NBEA: variants seen among roughly 807,000 people sequenced by gnomAD.
NBEA encodes the protein lysosomal-trafficking regulator 2.
Under a neutral mutation model 343.4 loss-of-function variants are expected in NBEA, and 44 were observed. The observed-to-expected ratio is 0.13, with a 90% confidence interval of 0.10 to 0.16. The LOEUF is 0.16. NBEA is among the 10% of genes least tolerant of loss of function. NBEA has a pLI of 1.00. For missense variants in NBEA, 2,555 were observed against 3,631.3 expected (o/e 0.70, Z 7.62); for synonymous variants, 1,175 against 1,238.7 (o/e 0.95, Z 1.08).
intron 41 of NBEA, among the ~76,000 whole-genome samples, chr13:35,542,809 TAAGTA>T (rs2078894674): frequency 6.6e-6 from 1 of 152,084 alleles, no homozygotes. Flanking sequence ...TAGAATAAAA[TAAGTA>T]GAGTAGTGAT....
intron 1 of NBEA, among the ~76,000 whole-genome samples, chr13:34,975,731 G>GA (rs200056183): frequency 1.6e-4 from 23 of 147,634 alleles, no homozygotes; most frequent in Middle Eastern, 3.5e-3. Context: ...AAATCAGCAA[G>GA]AAAAAAAAAA....
intron 18 of NBEA, among the ~76,000 whole-genome samples, chr13:35,154,523 A>G (rs1349365926): frequency 6.6e-6 from 1 of 152,238 alleles, no homozygotes; most frequent in African/African-American, 2.4e-5. Context: ...ACTCAAGCCT[A>G]AAATACAGTG....
intron 44 of NBEA, among the ~76,000 whole-genome samples, chr13:35,565,212 C>G (rs2080076512): frequency 6.6e-6 from 1 of 152,092 alleles, no homozygotes; most frequent in African/African-American, 2.4e-5. Flanking sequence ...TATTACATAC[C>G]CACACCAGTT....
At chr13:35,364,725 G>A (rs759342388) in intron 38 of NBEA, among the ~76,000 whole-genome samples, 7 of 151,818 alleles carry the variant, frequency 4.6e-5, no homozygotes, top group African/African-American at 7.2e-5. Flanking sequence ...AAGGAAGATT[G>A]TCAGCATCTT....
intron 35 of NBEA, among the ~76,000 whole-genome samples, chr13:35,303,354 T>C (rs537266258): frequency 2.6e-5 from 4 of 152,300 alleles, no homozygotes; most frequent in Admixed American, 2.6e-4. Flanking sequence ...TTAATCACTA[T>C]TGACCCAGTA....
chr13:35,100,031 A>T (rs934141441), intron 11 of NBEA, among the ~76,000 whole-genome samples: 3 of 152,156 alleles, frequency 2.0e-5, no homozygotes, highest in African/African-American at 7.2e-5. Context: ...ATCTCAACTA[A>T]GGGATAAACA....
intron 34 of NBEA, among the ~76,000 whole-genome samples, chr13:35,272,042 G>C (rs114976846): frequency 0.036 from 5,502 of 152,172 alleles, 218 homozygotes; most frequent in East Asian, 0.17. Context: ...GCCACCCCAA[G>C]ACACATAATT....
chr13:35,665,217 C>A, intron 56 of NBEA, 31 bp downstream of exon 56: 1 of 1,495,692 alleles, frequency 6.7e-7, no homozygotes. Context: ...TTTTCAATGT[C>A]TAGAAGATGA....
rs192549526 is a variant in NBEA at position 35,309,751 on chromosome 13, A to C, written c.5903+159A>C. Among the ~76,000 whole-genome samples, 229 of 152,310 alleles carry C rather than the reference A, an allele frequency of 1.5e-3. 1 individual carries two copies. The highest frequency in any genetic ancestry group is 5.4e-3 in the African/African-American group (224 of 41,584). Reference sequence around the variant, plus strand: ...TTAATTAATCTTTAACAAAGTTTAAAATGCTAAACATTTATTTTTGAAGAA... The same window carrying C: ...TTAATTAATCTTTAACAAAGTTTAACATGCTAAACATTTATTTTTGAAGAA... On this transcript the variant is annotated intron_variant, in intron 36 of 58. Transcript: ENST00000379939.
chr13:35,094,800 G>A (rs2065251313), intron 10 of NBEA, among the ~76,000 whole-genome samples: 1 of 151,870 alleles, frequency 6.6e-6, no homozygotes, highest in Non-Finnish European at 1.5e-5. Context: ...TTAGGCTTAA[G>A]AGATGAAACC....
Position 35,606,418 on chromosome 13 carries a change from C to A in NBEA, c.7297-8C>A, listed in dbSNP as rs367827624. 1.3e-5 allele frequency: 19 copies of A among 1,416,860 alleles called. No homozygotes were observed. Among genetic ancestry groups the A allele is most frequent in the South Asian group, 1.7e-5 (1 of 57,476 alleles). The allele number at this position is 1,416,860 out of a possible 1,614,324, so 87.8% of individuals were successfully genotyped here. A position where few individuals can be genotyped will look rare whatever the true frequency, so the allele number is the denominator to read the frequency against. On this transcript the variant is annotated splice_region_variant and splice_polypyrimidine_tract_variant and intron_variant, in intron 47 of 58. Transcript: ENST00000379939. The stretch of plus-strand genomic sequence containing the variant: ...TGGTTTAATATGCTTCATTTTTATT[C>A]CTGATAGGAACTAATTCCAGAGTTC...
At chr13:34,944,645 TAAG>T (rs2059134052) in intron 1 of NBEA, among the ~76,000 whole-genome samples, 1 of 152,116 alleles carries the variant, frequency 6.6e-6, no homozygotes, top group Admixed American at 6.5e-5. Context: ...TAGCTGCAAA[TAAG>T]AGGTCAGTAC....
chr13:35,627,386 CCT>C (rs1475023043), intron 48 of NBEA, among the ~76,000 whole-genome samples: 1 of 152,142 alleles, frequency 6.6e-6, no homozygotes, highest in African/African-American at 2.4e-5. Flanking sequence ...TCCCTACCTA[CCT>C]GTCAAGACAC....
intron 41 of NBEA, chr13:35,476,852 C>T (rs1270382352): frequency 1.0e-5 from 10 of 1,002,698 alleles, no homozygotes; most frequent in Non-Finnish European, 1.1e-5. Flanking sequence ...GAGGCTGCTG[C>T]CGGCGGAAAA....
intron 38 of NBEA, among the ~76,000 whole-genome samples, chr13:35,414,934 G>A (rs1649227346): frequency 6.6e-6 from 1 of 152,194 alleles, no homozygotes; most frequent in African/African-American, 2.4e-5. Flanking sequence ...TCTAACTGGT[G>A]TGAGATGGTA....
At chr13:35,450,324 T>C (rs930963146) in intron 39 of NBEA, among the ~76,000 whole-genome samples, 1 of 147,928 alleles carries the variant, frequency 6.8e-6, no homozygotes, top group South Asian at 2.2e-4. Flanking sequence ...AAAAAAAAAA[T>C]AACAATAAAA....
At chr13:35,080,545 C>G (rs1380740504) in intron 10 of NBEA, among the ~76,000 whole-genome samples, 1 of 152,094 alleles carries the variant, frequency 6.6e-6, no homozygotes, top group Non-Finnish European at 1.5e-5. Context: ...TAAGGCTCAG[C>G]TGGAAGAAGA....
At chr13:35,368,540 A>G (rs962402797) in intron 38 of NBEA, among the ~76,000 whole-genome samples, 4 of 151,644 alleles carry the variant, frequency 2.6e-5, no homozygotes, top group African/African-American at 9.7e-5. Context: ...AATCTCATCC[A>G]TCTTCACACA....
In NBEA at chr13:35,403,171, TAATA is replaced by T. The variant is rs2043075691; in HGVS notation, c.6180-29091_6180-29088del. On this transcript the variant is annotated intron_variant, in intron 38 of 58. Transcript: ENST00000379939. ...GTGAGACAGCAATCACATTAACAAA[TAATA>T]AATAAAAAATTAATTAAAATAAATT... Among the ~76,000 whole-genome samples the T allele has an allele frequency of 9.9e-5, 15 of 151,900 alleles. 1 individual carries two copies. The South Asian group carries it at 2.9e-3, about 29-fold the overall frequency.
Sources: gnomAD v4.1 joint callset for allele counts (sites outside exome capture counted in the v4.1 genomes callset) on GRCh38, gnomAD v4.1.1 for gene constraint, MANE v1.5 for transcripts, NCBI Gene and HGNC (gene_info 2026-07-23, HGNC 2026-07-21) for gene names.